CADPS2: variants seen among roughly 807,000 people sequenced by gnomAD.
CADPS2 encodes the protein calcium dependent secretion activator 2, also known as calcium-dependent secretion activator 2.
In CADPS2, 93 loss-of-function variants were observed where a neutral mutation model predicts 172.5. That is an observed-to-expected ratio of 0.54 (90% CI 0.46 to 0.64). CADPS2 has a LOEUF of 0.64. Among genes scored for constraint, CADPS2 ranks in the 30% least tolerant of loss-of-function variants. The probability of loss-of-function intolerance (pLI) is 0.00; values close to 1 mark genes in which losing one functional copy is unlikely to be tolerated. For missense variants in CADPS2, 1,420 were observed against 1,565.9 expected (o/e 0.91, Z 1.57); for synonymous variants, 546 against 555.2 (o/e 0.98, Z 0.23).
intron 2 of CADPS2, chr7:122,681,500 T>C: frequency 2.7e-6 from 4 of 1,471,882 alleles, no homozygotes; most frequent in African/African-American, 1.4e-5. Context: ...TCGATGCCTA[T>C]GTGCTTCCCA....
chr7:122,390,546 G>A (rs1447028894), intron 22 of CADPS2, among the ~76,000 whole-genome samples: 2 of 151,980 alleles, frequency 1.3e-5, no homozygotes, highest in African/African-American at 2.4e-5. Flanking sequence ...AATCTCTAAT[G>A]GTAAAGGCAG....
chr7:122,736,938 A>C lies in CADPS2; in HGVS notation c.453+17T>G. On this transcript the variant is annotated intron_variant, in intron 2 of 29. Transcript: ENST00000449022. ...AAAATGCATCGGAAAGCCAAAAACA[A>C]AGCTCTTCAAACTTACCTCATAATA... 7.6e-7 allele frequency: 1 copy of C among 1,324,312 alleles called. No homozygotes were observed. The highest frequency in any genetic ancestry group is 1.8e-5 in the Admixed American group (1 of 54,822). The allele number at this position is 1,324,312 out of a possible 1,614,324, so 82.0% of individuals were successfully genotyped here.
chr7:122,450,039 C>A (rs145097840), intron 15 of CADPS2, among the ~76,000 whole-genome samples: 40 of 152,092 alleles, frequency 2.6e-4, no homozygotes, highest in African/African-American at 8.7e-4. Context: ...AGTCTAAGAC[C>A]TTTATATTAT....
At chr7:122,785,476 T>C (rs563458486) in intron 1 of CADPS2, among the ~76,000 whole-genome samples, 19 of 152,160 alleles carry the variant, frequency 1.2e-4, no homozygotes, top group Non-Finnish European at 2.5e-4. Context: ...ACCCAGGCAT[T>C]AGTACTTATG....
Position 122,388,711 on chromosome 7 carries a change from A to G in CADPS2, c.3036T>C (p.Leu1012=), listed in dbSNP as rs779916980. 1.2e-6 allele frequency: 2 copies of G among 1,609,264 alleles called. No individual in the cohort carries two copies. The highest frequency in any genetic ancestry group is 2.2e-5 in the South Asian group (2 of 90,464). ...TTTGCAGTGCATCAAGCTTCCAAAA[A>G]AGGTCTTCTGATGTTGCTGAGCCAT... ...STNGSATSED[L]FWKLDALQMF... The change falls in exon 23 of 30, where the codon CTT becomes CTC. Residue 1012 remains leucine (L), a synonymous_variant. Coordinates refer to ENST00000449022, the MANE Select transcript of CADPS2 (RefSeq NM_017954.11).
chr7:122,608,281 T>A (rs2133701284), intron 6 of CADPS2, among the ~76,000 whole-genome samples: 1 of 152,118 alleles, frequency 6.6e-6, no homozygotes, highest in Non-Finnish European at 1.5e-5. Flanking sequence ...TTATCTCTAG[T>A]CTATAAGAGT....
At chr7:122,786,592 T>C (rs1379266493) in intron 1 of CADPS2, among the ~76,000 whole-genome samples, 3 of 152,212 alleles carry the variant, frequency 2.0e-5, no homozygotes, top group Non-Finnish European at 4.4e-5. Context: ...GATAAATATA[T>C]GGCACAACCT....
intron 1 of CADPS2, among the ~76,000 whole-genome samples, chr7:122,783,601 T>C (rs1250816452): frequency 6.6e-6 from 1 of 152,176 alleles, no homozygotes; most frequent in Non-Finnish European, 1.5e-5. Flanking sequence ...CCACGCTGCT[T>C]ACAGACTCCT....
At chr7:122,361,698 G>A (rs1401222436) in intron 25 of CADPS2, among the ~76,000 whole-genome samples, 1 of 152,100 alleles carries the variant, frequency 6.6e-6, no homozygotes, top group Non-Finnish European at 1.5e-5. Context: ...TGGCAGGCAA[G>A]CTTAATCAGA....
chr7:122,823,876 G>A (rs1229941415), intron 1 of CADPS2, among the ~76,000 whole-genome samples: 1 of 151,952 alleles, frequency 6.6e-6, no homozygotes, highest in Non-Finnish European at 1.5e-5. Context: ...CAGACTCAGG[G>A]GTTGTGCAGG....
chr7:122,501,691 T>G (rs2130428669), intron 9 of CADPS2, among the ~76,000 whole-genome samples: 1 of 151,620 alleles, frequency 6.6e-6, no homozygotes, highest in Non-Finnish European at 1.5e-5. Flanking sequence ...GTAGAGACGG[T>G]AGTGAAACCC....
intron 6 of CADPS2, among the ~76,000 whole-genome samples, chr7:122,600,021 A>T (rs1431894615): frequency 1.3e-5 from 2 of 152,110 alleles, no homozygotes; most frequent in African/African-American, 4.8e-5. Flanking sequence ...AATTCACATA[A>T]GTGGTGCTAT....
intron 3 of CADPS2, among the ~76,000 whole-genome samples, chr7:122,650,018 C>T (rs1318606040): frequency 6.9e-6 from 1 of 144,502 alleles, no homozygotes; most frequent in Non-Finnish European, 1.5e-5. Flanking sequence ...CAGCAATTCT[C>T]CTGCCTCAGC....
intron 8 of CADPS2, among the ~76,000 whole-genome samples, chr7:122,523,926 T>C (rs1180782429): frequency 6.6e-6 from 1 of 152,114 alleles, no homozygotes; most frequent in Non-Finnish European, 1.5e-5. Context: ...TCCTCCATCC[T>C]CTAGGAAGAG....
At chr7:122,606,836 A>G (rs946577004) in intron 6 of CADPS2, among the ~76,000 whole-genome samples, 2 of 152,114 alleles carry the variant, frequency 1.3e-5, no homozygotes, top group Non-Finnish European at 2.9e-5. Context: ...TTAAGCAGAA[A>G]GAGGACACAC....
intron 1 of CADPS2, among the ~76,000 whole-genome samples, chr7:122,842,683 A>G (rs1810893037): frequency 1.3e-5 from 2 of 152,226 alleles, no homozygotes; most frequent in South Asian, 4.1e-4. Flanking sequence ...TGTGAACAAT[A>G]TATGGGTTGA....
chr7:122,456,945 C>CT (rs1298544765), intron 14 of CADPS2, among the ~76,000 whole-genome samples: 1 of 152,172 alleles, frequency 6.6e-6, no homozygotes, highest in Admixed American at 6.5e-5. Context: ...CGCAAAAACT[C>CT]TTTTATATAC....
intron 6 of CADPS2, among the ~76,000 whole-genome samples, chr7:122,584,534 C>G (rs2069351224): frequency 6.6e-6 from 1 of 151,862 alleles, no homozygotes; most frequent in Non-Finnish European, 1.5e-5. Flanking sequence ...TTGACTTTGA[C>G]AATCCTCTCT....
chr7:122,503,817 GA>G (rs972287618), intron 9 of CADPS2, among the ~76,000 whole-genome samples: 1 of 152,000 alleles, frequency 6.6e-6, no homozygotes, highest in Middle Eastern at 3.2e-3. Flanking sequence ...TCAGAATTGG[GA>G]AAAAAAGCCA....
Sources: allele counts gnomAD v4.1 joint callset (sites outside exome capture counted in the v4.1 genomes callset), GRCh38; gene constraint gnomAD v4.1.1; transcripts MANE v1.5; gene names NCBI Gene and HGNC (gene_info 2026-07-23, HGNC 2026-07-21).